Variants in KATNB1 observed in about 807,000 individuals in gnomAD.
KATNB1 encodes katanin regulatory subunit B1, also known as katanin p80 WD40 repeat-containing subunit B1.
In KATNB1, 38 loss-of-function variants were observed where a neutral mutation model predicts 82.3. That is an observed-to-expected ratio of 0.46 (90% CI 0.36 to 0.61). The LOEUF is 0.61. Ranked by LOEUF, KATNB1 falls within the 20% of genes least tolerant of loss-of-function variation. The pLI is 0.00. For missense variants in KATNB1, 749 were observed against 915.7 expected, an observed-to-expected ratio of 0.82 and a Z score of 2.35; for synonymous variants, 361 against 368.7, an observed-to-expected ratio of 0.98 and a Z score of 0.24.
intron 3 of KATNB1, among the ~76,000 whole-genome samples, 161 bp downstream of exon 3, chr16:57,741,978 C>T (rs1196490268): frequency 1.3e-5 from 2 of 152,206 alleles, no homozygotes; most frequent in Non-Finnish European, 2.9e-5. Flanking sequence ...GTGGTGGGGA[C>T]ACCATCAGTG....
chr16:57,744,594 CCTGCCTGG>C, intron 4 of KATNB1, 83 bp downstream of exon 4: 1 of 1,154,008 alleles, frequency 8.7e-7, no homozygotes, highest in Non-Finnish European at 1.3e-6. Context: ...CTCCAGGAAG[CCTGCCTGG>C]ACTACGTTGG....
At chr16:57,754,107 ACAC>A in intron 13 of KATNB1, 112 bp downstream of exon 13, 1 of 865,070 alleles carries the variant, frequency 1.2e-6, no homozygotes, top group Admixed American at 2.0e-5. Context: ...CCCTCTCAGG[ACAC>A]GACCCACACC....
chr16:57,753,703 G>A (rs1228595958), intron 12 of KATNB1, among the ~76,000 whole-genome samples, 184 bp downstream of exon 12: 1 of 152,040 alleles, frequency 6.6e-6, no homozygotes, highest in Non-Finnish European at 1.5e-5. Flanking sequence ...GGAACTGAGA[G>A]GGGGGCCTGG....
At chr16:57,739,441 C>A (rs1299441310) in intron 2 of KATNB1, among the ~76,000 whole-genome samples, 8 of 152,196 alleles carry the variant, frequency 5.3e-5, no homozygotes, top group African/African-American at 1.9e-4. Flanking sequence ...TGTTCCCCAG[C>A]TTTGGCTGGA....
Position 57,753,424 on chromosome 16 carries a change from C to T in KATNB1, c.1082C>T (p.Pro361Leu). Residue 361 changes from proline (P) to leucine (L), a missense_variant, in exon 12 of 20, where the codon CCC (proline) becomes CTC (leucine). Around this residue, in one of 3 missense-constraint regions of KATNB1, gnomAD observed 407 missense variants for 434.7 expected, o/e 0.94. Coordinates refer to ENST00000379661, the MANE Select transcript of KATNB1 (RefSeq NM_005886.3). Reference protein sequence around the residue: ...KQNSESERRSPSSEDDRDERE... With the variant: ...KQNSESERRSLSSEDDRDERE... ...AACTCAGAGAGCGAGCGCCGCAGCC[C>T]CAGCAGCGAGGATGACCGGGACGAG... is the stretch of plus-strand genomic sequence containing the variant. 6.2e-7 allele frequency: 1 copy of T among 1,613,018 alleles called. No homozygotes were observed. The highest frequency in any genetic ancestry group is 8.5e-7 in the Non-Finnish European group (1 of 1,179,876).
At chr16:57,741,349 G>A (rs2049140276) in intron 2 of KATNB1, among the ~76,000 whole-genome samples, 1 of 152,160 alleles carries the variant, frequency 6.6e-6, no homozygotes, top group African/African-American at 2.4e-5. Context: ...CATTGCTTAA[G>A]CCCAAGCTAA....
Position 57,753,164 on chromosome 16 carries a change from C to G in KATNB1, c.943C>G (p.Pro315Ala). The G allele has an allele frequency of 6.2e-7, 1 of 1,610,798 alleles. No homozygotes were observed. Among genetic ancestry groups the G allele is most frequent in the Non-Finnish European group, 8.5e-7 (1 of 1,179,736 alleles). Reference sequence around the variant, plus strand: ...CAGGACTGGCACGGTGGCCCGGGACCCTGTGCAGGACCACCGGCCCCTGGC... The same window carrying G: ...CAGGACTGGCACGGTGGCCCGGGACGCTGTGCAGGACCACCGGCCCCTGGC... The part of the protein sequence containing the change: ...VTRTGTVARD[P>A]VQDHRPLAQP... The change falls in exon 11 of 20, where the codon CCT (proline) becomes GCT (alanine). Residue 315 changes from proline (P) to alanine (A), a missense_variant. By Grantham distance (27) the Pro-to-Ala change is conservative. Around this residue, in one of 3 missense-constraint regions of KATNB1, gnomAD observed 407 missense variants for 434.7 expected, o/e 0.94. Transcript: ENST00000379661.
intron 4 of KATNB1, among the ~76,000 whole-genome samples, chr16:57,748,946 C>T (rs1352937764): frequency 2.6e-5 from 4 of 152,248 alleles, no homozygotes; most frequent in Non-Finnish European, 5.9e-5. Context: ...CCAGCGTGGC[C>T]TCCTTGGCCA....
At chr16:57,745,986 C>T (rs2049181570) in intron 4 of KATNB1, among the ~76,000 whole-genome samples, 1 of 152,158 alleles carries the variant, frequency 6.6e-6, no homozygotes, top group African/African-American at 2.4e-5. Flanking sequence ...TGTCTCTTCT[C>T]TGGGGAATTC....
chr16:57,742,738 C>T (rs147854869), intron 3 of KATNB1, among the ~76,000 whole-genome samples: 91 of 152,318 alleles, frequency 6.0e-4, no homozygotes, highest in African/African-American at 2.0e-3. Context: ...AGGTTGTTTC[C>T]GGCTTTTTTT....
chr16:57,752,093 T>C (rs1174528460), intron 8 of KATNB1, 38 bp downstream of exon 8: 1 of 1,322,304 alleles, frequency 7.6e-7, no homozygotes. Context: ...TTGTGACTGC[T>C]GTCCTTCACC....
rs1555583725 is a variant in KATNB1 at position 57,752,575 on chromosome 16, C to T, written c.678C>T (p.Cys226=). 1 of 1,569,838 alleles carries T rather than the reference C, an allele frequency of 6.4e-7. No homozygotes were observed. Among genetic ancestry groups the T allele is most frequent in the Admixed American group, 1.9e-5 (1 of 52,402 alleles). ...TGGAGAAGTTCCAGGTGGTGAGCTG[C>T]ATCGAAGGGGAGCCTGGGCCCGTCA... The part of the protein sequence containing the change: ...WDLEKFQVVS[C]IEGEPGPVRS... Residue 226 remains cysteine, a synonymous_variant, in exon 9 of 20, where the codon TGC becomes TGT. Coordinates refer to ENST00000379661, the MANE Select transcript of KATNB1 (RefSeq NM_005886.3).
At chr16:57,753,807 TG>T in intron 12 of KATNB1, 137 bp from the exon 13 acceptor site, 1 of 829,964 alleles carries the variant, frequency 1.2e-6, no homozygotes, top group Non-Finnish European at 1.9e-6. Flanking sequence ...TGAGGGTTCC[TG>T]GGACCAGGAG....
In KATNB1 at chr16:57,756,371, C is replaced by G. The variant is rs2049280352; in HGVS notation, c.1734C>G (p.Gly578=). 2.5e-6 allele frequency: 4 copies of G among 1,613,818 alleles called. No homozygotes were observed. Among genetic ancestry groups the G allele is most frequent in the Non-Finnish European group, 3.4e-6 (4 of 1,179,960 alleles). ...QSKYESYVQT[G]CTSLKLILQR... ...CCCCCTAAAGCTACGTCCAGACGGG[C>G]TGCACCTCCCTGAAGCTGATCCTGC... The change falls in exon 19 of 20, where the codon GGC becomes GGG. Residue 578 remains glycine, a synonymous_variant. Transcript: ENST00000379661.
chr16:57,750,168 G>A (rs1353851663), intron 4 of KATNB1, among the ~76,000 whole-genome samples: 3 of 152,172 alleles, frequency 2.0e-5, no homozygotes, highest in Non-Finnish European at 4.4e-5. Context: ...GTCTTGGGTG[G>A]GGTTCAGTGC....
chr16:57,737,798 T>C (rs1229024083), intron 2 of KATNB1, among the ~76,000 whole-genome samples: 1 of 152,212 alleles, frequency 6.6e-6, no homozygotes, highest in African/African-American at 2.4e-5. Flanking sequence ...CATTGCCCTA[T>C]ACAAGTGGAT....
intron 1 of KATNB1, among the ~76,000 whole-genome samples, chr16:57,736,399 G>C (rs764073595): frequency 1.4e-4 from 22 of 152,260 alleles, no homozygotes; most frequent in Non-Finnish European, 2.8e-4. Context: ...GGCTCCATGA[G>C]GAGGCCTTTT....
At chr16:57,754,141 C>T (rs974132702) in intron 13 of KATNB1, 146 bp downstream of exon 13, 6 of 700,742 alleles carry the variant, frequency 8.6e-6, no homozygotes, top group Non-Finnish European at 1.5e-5. Context: ...GGGTCTCTGC[C>T]CTCTGCCTGT....
Position 57,756,797 on chromosome 16 carries a change from C to T in KATNB1, c.1836-17C>T, listed in dbSNP as rs377246579. The T allele has an allele frequency of 1.2e-5, 19 of 1,533,806 alleles. No homozygotes were observed. The highest frequency in any genetic ancestry group is 5.9e-5 in the Admixed American group (3 of 50,544). On this transcript the variant is annotated splice_polypyrimidine_tract_variant and intron_variant, in intron 19 of 19. Transcript: ENST00000379661. ...TGGTGGTGCCAGCTAGCCCCTCAGG[C>T]ACTGCCCTCTCTACAGGCTGCATAA...
Sources: gnomAD v4.1 joint callset for allele counts (sites outside exome capture counted in the v4.1 genomes callset) on GRCh38, gnomAD v4.1.1 for gene constraint, gnomAD v4.1.1 regional missense constraint, MANE v1.5 for transcripts, NCBI Gene and HGNC (gene_info 2026-07-23, HGNC 2026-07-21) for gene names.